The following ACVR2B variants were observed in gnomAD, a reference collection of about 807,000 sequenced individuals.
ACVR2B encodes activin receptor type-2B.
ACVR2B carries 18 observed loss-of-function variants against 65.1 expected under a neutral mutation model. The ratio of observed to expected loss-of-function variants is 0.28; its 90% CI spans 0.19 to 0.41. The LOEUF is 0.41. ACVR2B is among the 10% of genes least tolerant of loss of function. The probability of loss-of-function intolerance (pLI) is 1.00; values close to 1 mark genes in which losing one functional copy is unlikely to be tolerated. For synonymous variants in ACVR2B, 298 were observed against 277.7 expected, an observed-to-expected ratio of 1.07 and a Z score of -0.73; for missense variants, 482 against 682.7, an observed-to-expected ratio of 0.71 and a Z score of 3.28.
chr3:38,456,815 G>C (rs1337209729), intron 1 of ACVR2B, among the ~76,000 whole-genome samples: 1 of 152,124 alleles, frequency 6.6e-6, no homozygotes, highest in African/African-American at 2.4e-5. Flanking sequence ...ACCTCCCAAA[G>C]GTCCCGTCTC....
In ACVR2B at chr3:38,490,253, C is replaced by T. The variant is rs906486718; in HGVS notation, c.*6921C>T. 1 of 152,292 alleles carries T rather than the reference C, an allele frequency of 6.6e-6. No individual in the cohort carries two copies. The highest frequency in any genetic ancestry group is 2.4e-5 in the African/African-American group (1 of 41,442). The allele number at this position is 152,292 out of a possible 1,614,324, so 9.4% of individuals were successfully genotyped here. A position where few individuals can be genotyped will look rare whatever the true frequency, so the allele number is the denominator to read the frequency against. On this transcript the variant is annotated 3_prime_UTR_variant, in exon 11 of 11. Transcript: ENST00000352511. ...TCCTGAGGCCCAGCTGAAGACCTGT[C>T]CCCCAGACCCTGCCCGCTGGCTTCA... is the stretch of plus-strand genomic sequence containing the variant.
rs974096466 is a variant in ACVR2B at position 38,489,194 on chromosome 3, A to C, written c.*5862A>C. On this transcript the variant is annotated 3_prime_UTR_variant, in exon 11 of 11. Transcript: ENST00000352511. ...GCGTCAGAATGTTAGCATTGTAAAT[A>C]AAAGAATAGGTTGTATAATAGATAC... 6.6e-6 allele frequency: 1 copy of C among 152,654 alleles called. No homozygotes were observed. The highest frequency in any genetic ancestry group is 2.1e-4 in the South Asian group (1 of 4,830). 9.5% of individuals were successfully genotyped at this position (152,654 alleles called of 1,614,324 possible).
chr3:38,455,049 C>T (rs974540347), intron 1 of ACVR2B, among the ~76,000 whole-genome samples: 7 of 152,182 alleles, frequency 4.6e-5, no homozygotes, highest in African/African-American at 7.2e-5. Context: ...GTCCCTCTTC[C>T]TTCGGGCCTC....
intron 1 of ACVR2B, among the ~76,000 whole-genome samples, chr3:38,462,168 T>C (rs1381598941): frequency 6.6e-6 from 1 of 152,116 alleles, no homozygotes; most frequent in Non-Finnish European, 1.5e-5. Flanking sequence ...CACTCCAGCC[T>C]GGGCAACAGA....
At chr3:38,479,371 A>G in intron 6 of ACVR2B, 100 bp downstream of exon 6, 3 of 1,554,046 alleles carry the variant, frequency 1.9e-6, no homozygotes, top group Admixed American at 1.7e-5. Flanking sequence ...GGTGTCCACC[A>G]TGAAGTACTC....
chr3:38,457,869 G>T (rs139198544), intron 1 of ACVR2B, among the ~76,000 whole-genome samples: 1 of 152,150 alleles, frequency 6.6e-6, no homozygotes, highest in Non-Finnish European at 1.5e-5. Context: ...CTAGTGTAGC[G>T]GTAGCTGCCA....
rs111745450 is a variant in ACVR2B at position 38,455,406 on chromosome 3, T to G, written c.52+1032T>G. Among the ~76,000 whole-genome samples, 722 of 152,148 alleles carry G rather than the reference T, an allele frequency of 4.7e-3. 2 individuals carry two copies. Among genetic ancestry groups the G allele is most frequent in the Middle Eastern group, 0.01 (3 of 294 alleles). ...CTTTGTTCCCAGCCCCCATTACACA[T>G]GCAGCGCGGGTCCCCCGCCGCCCTC... On this transcript the variant is annotated intron_variant, in intron 1 of 10. Transcript: ENST00000352511.
chr3:38,483,416 A>G lies in ACVR2B; in HGVS notation c.*84A>G, dbSNP rs1026128049. The G allele has an allele frequency of 1.2e-5, 16 of 1,366,170 alleles. No individual in the cohort carries two copies. The African/African-American group carries it at 2.0e-4, about 17-fold the overall frequency. 84.6% of individuals were successfully genotyped at this position (1,366,170 alleles called of 1,614,324 possible). ...TTGTGTTTTGTTTTGGAAATCCCAT[A>G]AAACCAACAAACACATAAAATGCAG... On this transcript the variant is annotated 3_prime_UTR_variant, in exon 11 of 11. Transcript: ENST00000352511. This position sits in a 1 kb window ranked among gnomAD's most constrained non-coding sequence, Gnocchi z 4.8.
intron 1 of ACVR2B, chr3:38,475,155 T>C (rs1575585873): frequency 6.6e-6 from 1 of 152,298 alleles, no homozygotes; most frequent in Non-Finnish European, 1.5e-5. Flanking sequence ...ACAGGGACAA[T>C]GTAGGTGCAA....
intron 1 of ACVR2B, chr3:38,459,587 C>T (rs1007007307): frequency 3.0e-6 from 3 of 985,352 alleles, no homozygotes; most frequent in Admixed American, 6.1e-5. Context: ...GCCCCTTCCC[C>T]TGAGTGGACC....
rs183440035 is a variant in ACVR2B at position 38,463,123 on chromosome 3, C to G, written c.52+8749C>G. ...CGTGCCTGTGTCTCCTACCTTGTGC[C>G]TGAGTCTCCTGGGTACTGTGCTGAT... On this transcript the variant is annotated intron_variant, in intron 1 of 10. Transcript: ENST00000352511. Among the ~76,000 whole-genome samples, 317 of 152,292 alleles carry G rather than the reference C, an allele frequency of 2.1e-3. 1 individual carries two copies. Among genetic ancestry groups the G allele is most frequent in the Non-Finnish European group, 3.1e-3 (209 of 68,022 alleles).
intron 1 of ACVR2B, among the ~76,000 whole-genome samples, chr3:38,459,886 G>C (rs1709613453): frequency 6.6e-6 from 1 of 152,160 alleles, no homozygotes; most frequent in Admixed American, 6.5e-5. Context: ...AGCCCCCTGT[G>C]GCTGCCCCCA....
At chr3:38,463,154 A>T (rs1257069824) in intron 1 of ACVR2B, among the ~76,000 whole-genome samples, 1 of 152,084 alleles carries the variant, frequency 6.6e-6, no homozygotes, top group Admixed American at 6.6e-5. Flanking sequence ...CTGATGAGGG[A>T]GGTAGCACTG....
At chr3:38,467,476 G>A (rs1709750845) in intron 1 of ACVR2B, among the ~76,000 whole-genome samples, 1 of 152,006 alleles carries the variant, frequency 6.6e-6, no homozygotes, top group African/African-American at 2.4e-5. Context: ...AATGGGTTGA[G>A]TGCAGTGGCT....
In ACVR2B at chr3:38,454,111, G is replaced by A. The variant is rs1224161063; in HGVS notation, c.-212G>A. 3 of 183,852 alleles carry A rather than the reference G, an allele frequency of 1.6e-5. No individual in the cohort carries two copies. Among genetic ancestry groups the A allele is most frequent in the Non-Finnish European group, 3.1e-5 (3 of 96,224 alleles). 11.4% of individuals were successfully genotyped at this position (183,852 alleles called of 1,614,324 possible). Reference sequence around the variant, plus strand: ...CCCCGGAGCCCGGGCCGCAGCCTGCGCCGCCCGCAGCGGCCCTGAGCCCGG... The same window carrying A: ...CCCCGGAGCCCGGGCCGCAGCCTGCACCGCCCGCAGCGGCCCTGAGCCCGG... On this transcript the variant is annotated 5_prime_UTR_variant, in exon 1 of 11. Transcript: ENST00000352511.
intron 1 of ACVR2B, among the ~76,000 whole-genome samples, chr3:38,460,815 T>C (rs921378885): frequency 6.6e-6 from 1 of 152,244 alleles, no homozygotes; most frequent in Non-Finnish European, 1.5e-5. Flanking sequence ...TCATGCTCTT[T>C]GCATGTGTTC....
intron 1 of ACVR2B, among the ~76,000 whole-genome samples, chr3:38,467,941 A>C (rs1709759830): frequency 6.6e-6 from 1 of 152,124 alleles, no homozygotes; most frequent in African/African-American, 2.4e-5. Flanking sequence ...GCAGCGGTGC[A>C]ATCTCAGCTC....
chr3:38,479,148 T>G lies in ACVR2B; in HGVS notation c.687T>G (p.Ser229Arg), dbSNP rs34815229. The G allele has an allele frequency of 3.0e-5, 48 of 1,613,668 alleles. No individual in the cohort carries two copies. The highest frequency in any genetic ancestry group is 4.0e-5 in the Non-Finnish European group (47 of 1,179,908). ...CTCAGGACAAGCAGTCGTGGCAGAG[T>G]GAACGGGAGATCTTCAGCACACCTG... ...FPLQDKQSWQSEREIFSTPGM... is the reference protein window; with the variant it reads ...FPLQDKQSWQREREIFSTPGM... Residue 229 changes from serine to arginine, a missense_variant, in exon 6 of 11, where the codon AGT becomes AGG. By Grantham distance (110) the Ser-to-Arg change is moderately radical. Transcript: ENST00000352511.
chr3:38,454,297 G>T lies in ACVR2B; in HGVS notation c.-26G>T. 2 of 1,263,400 alleles carry T rather than the reference G, an allele frequency of 1.6e-6. No individual in the cohort carries two copies. Among genetic ancestry groups the T allele is most frequent in the Non-Finnish European group, 9.9e-7 (1 of 1,006,180 alleles). 78.3% of individuals were successfully genotyped at this position (1,263,400 alleles called of 1,614,324 possible). A position where few individuals can be genotyped will look rare whatever the true frequency, so the allele number is the denominator to read the frequency against. ...GTGCGGCCCTGCCCGCGGGCTCCGG[G>T]TGTGCGCGGGGCGGCGCCGCGGAAC... On this transcript the variant is annotated 5_prime_UTR_variant, in exon 1 of 11. Coordinates refer to ENST00000352511, the MANE Select transcript of ACVR2B (RefSeq NM_001106.4).
Sources: gnomAD v4.1 joint callset for allele counts (sites outside exome capture counted in the v4.1 genomes callset) on GRCh38, gnomAD v4.1.1 for gene constraint, Gnocchi (gnomAD v3.1) non-coding constraint, MANE v1.5 for transcripts, NCBI Gene and HGNC (gene_info 2026-07-23, HGNC 2026-07-21) for gene names.